Variants in EAF2 observed in about 807,000 individuals in gnomAD.
EAF2 encodes ELL-associated factor 2.
EAF2 carries 29 observed loss-of-function variants against 29.4 expected under a neutral mutation model. The ratio of observed to expected loss-of-function variants is 0.99; its 90% CI spans 0.73 to 1.35. The LOEUF is 1.35. EAF2 is among the 40% of genes most tolerant of loss of function. The pLI, the probability that EAF2 is intolerant of heterozygous loss-of-function variation, is 0.00. For missense variants in EAF2, 292 were observed against 312.0 expected (o/e 0.94, Z 0.48); for synonymous variants, 103 against 102.5 (o/e 1.00, Z -0.03).
chr3:121,842,620 T>G (rs1024154879), intron 1 of EAF2, among the ~76,000 whole-genome samples: 1 of 152,174 alleles, frequency 6.6e-6, no homozygotes, highest in Non-Finnish European at 1.5e-5. Flanking sequence ...CTTTTAAAAT[T>G]GATCAGCATG....
intron 1 of EAF2, chr3:121,837,440 C>T (rs1045752396): frequency 2.0e-5 from 3 of 152,180 alleles, no homozygotes; most frequent in Admixed American, 6.5e-5. Context: ...TTCTGCCTGT[C>T]TGATATAAGA....
chr3:121,886,324 ATTTC>A lies in EAF2; in HGVS notation c.737-11_737-8del, dbSNP rs1559833475. On this transcript the variant is annotated splice_polypyrimidine_tract_variant and intron_variant, in intron 5 of 5. Transcript: ENST00000273668. ...AATATTTAATTACTACAGTTTTGTT[ATTTC>A]TTTCTTATTTTAGGAAATGATTTGC... 1 of 1,455,298 alleles carries A rather than the reference ATTTC, an allele frequency of 6.9e-7. No individual in the cohort carries two copies. Among genetic ancestry groups the A allele is most frequent in the Non-Finnish European group, 9.2e-7 (1 of 1,089,944 alleles). The allele number at this position is 1,455,298 out of a possible 1,614,324, so 90.1% of individuals were successfully genotyped here.
chr3:121,884,367 G>T (rs1425851722), intron 5 of EAF2, among the ~76,000 whole-genome samples: 2 of 149,174 alleles, frequency 1.3e-5, no homozygotes, highest in African/African-American at 4.9e-5. Flanking sequence ...AGAAATGAAA[G>T]TGATGAGATG....
At position 121,844,477 on chromosome 3, in the gene EAF2, A is replaced by G. The variant is rs765328480; in HGVS notation, c.131A>G (p.Asp44Gly). ...VRYDFKPASI[D>G]TSSEGYLEVG... ...GATGACTTCAAACCTGCTTCTATTG[A>G]CACTTCTTCTGAAGGATACCTTGAG... The change falls in exon 2 of 6, where the codon GAC (aspartate) becomes GGC (glycine). Residue 44 changes from aspartate (D) to glycine (G), a missense_variant. Physicochemically the swap from Asp to Gly is moderately conservative, Grantham distance 94 (BLOSUM62 -1). Coordinates refer to ENST00000273668, the MANE Select transcript of EAF2 (RefSeq NM_018456.6). 7 of 1,609,488 alleles carry G rather than the reference A, an allele frequency of 4.3e-6. No homozygotes were observed. In the Admixed American group the frequency reaches 1.2e-4, roughly 27 times the overall value.
intron 1 of EAF2, among the ~76,000 whole-genome samples, chr3:121,841,835 G>A (rs1357860406): frequency 1.3e-5 from 2 of 151,770 alleles, no homozygotes; most frequent in African/African-American, 2.4e-5. Flanking sequence ...TGGTGAAACC[G>A]TCTCTACTGA....
Position 121,836,691 on chromosome 3 carries a change from C to G in EAF2, c.106+1300C>G, listed in dbSNP as rs540433605. 82 of 987,818 alleles carry G rather than the reference C, an allele frequency of 8.3e-5. No individual in the cohort carries two copies. The South Asian group carries it at 3.0e-3, about 36-fold the overall frequency. The allele number at this position is 987,818 out of a possible 1,614,324, so 61.2% of individuals were successfully genotyped here. On this transcript the variant is annotated intron_variant, in intron 1 of 5. Coordinates refer to ENST00000273668, the MANE Select transcript of EAF2 (RefSeq NM_018456.6). ...GCTGTGCTGGCTCTGCAGTTTCTCT[C>G]TCTTCAGTCCCATTTTCCGGAAGTG...
chr3:121,840,805 C>CAAAAAAA (rs5852282), intron 1 of EAF2, among the ~76,000 whole-genome samples: 2 of 86,900 alleles, frequency 2.3e-5, no homozygotes, highest in African/African-American at 4.7e-5. Context: ...GACTCCGTCT[C>CAAAAAAA]AAAAAAAAAA....
intron 4 of EAF2, among the ~76,000 whole-genome samples, chr3:121,857,667 G>T (rs2107520721): frequency 6.6e-6 from 1 of 152,066 alleles, no homozygotes; most frequent in East Asian, 1.9e-4. Flanking sequence ...AAGAGAATTT[G>T]TATCATTTTA....
chr3:121,877,248 C>T (rs191444578), intron 5 of EAF2, among the ~76,000 whole-genome samples: 7 of 151,364 alleles, frequency 4.6e-5, no homozygotes, highest in African/African-American at 1.7e-4. Flanking sequence ...TAAAACATAA[C>T]AGAAGTAGTA....
At chr3:121,840,750 G>A (rs182598301) in intron 1 of EAF2, among the ~76,000 whole-genome samples, 1 of 138,976 alleles carries the variant, frequency 7.2e-6, no homozygotes, top group African/African-American at 2.7e-5. Context: ...AAGTTGCAGT[G>A]AGCCGAGATC....
intron 1 of EAF2, among the ~76,000 whole-genome samples, chr3:121,840,493 A>AG (rs1708393950): frequency 1.0e-5 from 1 of 97,540 alleles, no homozygotes. Flanking sequence ...TCGTCTAAAA[A>AG]AAAAAAAAAA....
chr3:121,861,612 G>A (rs1667473015), intron 4 of EAF2, among the ~76,000 whole-genome samples: 1 of 152,114 alleles, frequency 6.6e-6, no homozygotes, highest in Admixed American at 6.6e-5. Context: ...GATGGGTCTT[G>A]ACTCTTTATC....
At chr3:121,850,891 G>C (rs190985284) in intron 2 of EAF2, among the ~76,000 whole-genome samples, 1,556 of 151,574 alleles carry the variant, frequency 0.01, 19 homozygotes, top group African/African-American at 0.035. Context: ...AGTAGAGTTG[G>C]GGGTTCACTA....
intron 4 of EAF2, among the ~76,000 whole-genome samples, chr3:121,862,175 C>T (rs957175872): frequency 1.3e-5 from 2 of 152,138 alleles, no homozygotes; most frequent in Non-Finnish European, 2.9e-5. Flanking sequence ...CCAGGAGTAT[C>T]TTTGTGGTAT....
chr3:121,874,855 C>A (rs1709070068), intron 5 of EAF2, among the ~76,000 whole-genome samples: 1 of 151,744 alleles, frequency 6.6e-6, no homozygotes, highest in Non-Finnish European at 1.5e-5. Flanking sequence ...ACTATAAACA[C>A]AAAACAGTGG....
At chr3:121,853,483 T>G (rs543282566) in intron 2 of EAF2, among the ~76,000 whole-genome samples, 50 of 152,278 alleles carry the variant, frequency 3.3e-4, no homozygotes, top group Non-Finnish European at 5.7e-4. Flanking sequence ...CAGTGGCTAT[T>G]CACGGGTGTG....
Position 121,854,743 on chromosome 3 carries a change from A to C in EAF2, c.258A>C (p.Glu86Asp). ...GTTCAAAAAAACCTTACTTAAAAGA[A>C]TGCATTTTGATTATTAACCATGATA... ...FKGSKKPYLK[E>D]CILIINHDTG... is the part of the protein sequence containing the mutation. The change falls in exon 3 of 6, where the codon GAA (glutamate) becomes GAC (aspartate). Residue 86 changes from glutamate to aspartate, a missense_variant. Transcript: ENST00000273668. The C allele has an allele frequency of 6.4e-7, 1 of 1,568,286 alleles. No homozygotes were observed. Among genetic ancestry groups the C allele is most frequent in the African/African-American group, 1.4e-5 (1 of 71,844 alleles).
At chr3:121,842,509 C>G (rs1708454900) in intron 1 of EAF2, among the ~76,000 whole-genome samples, 1 of 152,256 alleles carries the variant, frequency 6.6e-6, no homozygotes, top group East Asian at 1.9e-4. Flanking sequence ...GGGCAAGGAA[C>G]TTAATTTTTT....
intron 4 of EAF2, among the ~76,000 whole-genome samples, chr3:121,859,020 T>C (rs569448486): frequency 1.3e-5 from 2 of 152,282 alleles, no homozygotes; most frequent in South Asian, 2.1e-4. Flanking sequence ...TTATGTTCCA[T>C]TGGTCTATAT....
Sources: gnomAD v4.1 joint callset for allele counts (sites outside exome capture counted in the v4.1 genomes callset) on GRCh38, gnomAD v4.1.1 for gene constraint, MANE v1.5 for transcripts, NCBI Gene and HGNC (gene_info 2026-07-23, HGNC 2026-07-21) for gene names.